The following ADGRV1 variants were observed in gnomAD, a reference collection of about 807,000 sequenced individuals.
ADGRV1 encodes the protein G-protein coupled receptor 98.
In ADGRV1, 359 loss-of-function variants were observed where a neutral mutation model predicts 596.2. The ratio of observed to expected loss-of-function variants is 0.60; its 90% CI spans 0.55 to 0.66. The LOEUF is 0.66. Ranked by LOEUF, ADGRV1 falls within the 30% of genes least tolerant of loss-of-function variation. The pLI is 0.00. For missense variants in ADGRV1, 7,274 were observed against 7,575.6 expected, an observed-to-expected ratio of 0.96 and a Z score of 1.48; for synonymous variants, 2,681 against 2,679.2, an observed-to-expected ratio of 1.00 and a Z score of -0.02.
intron 87 of ADGRV1, among the ~76,000 whole-genome samples, chr5:91,134,755 G>A (rs1794494643): frequency 6.6e-6 from 1 of 151,830 alleles, no homozygotes; most frequent in African/African-American, 2.4e-5. Flanking sequence ...AGTTTTATTT[G>A]TTCTAAAAAT....
rs112566319 is a variant in ADGRV1, at chr5:90,668,460, T to A, written c.4753-4086T>A. ...TCCCGAGTGAGGCAATGCCTCACCC[T>A]GCTTCGGCTCCCGCATGGTGCGCGC... On this transcript the variant is annotated intron_variant, in intron 21 of 89. Coordinates refer to ENST00000405460, the MANE Select transcript of ADGRV1 (RefSeq NM_032119.4). Among the ~76,000 whole-genome samples, 540 of 152,300 alleles carry A rather than the reference T, an allele frequency of 3.5e-3. 2 individuals carry two copies. Among genetic ancestry groups the A allele is most frequent in the African/African-American group, 0.012 (487 of 41,556 alleles).
intron 83 of ADGRV1, among the ~76,000 whole-genome samples, chr5:90,933,844 A>C (rs1326874297): frequency 6.6e-6 from 1 of 152,142 alleles, no homozygotes; most frequent in Non-Finnish European, 1.5e-5. Flanking sequence ...TCACAGCTGA[A>C]TTGAGCCCTA....
intron 85 of ADGRV1, among the ~76,000 whole-genome samples, chr5:91,049,982 C>A (rs911037257): frequency 1.3e-5 from 2 of 152,164 alleles, no homozygotes; most frequent in Non-Finnish European, 2.9e-5. Flanking sequence ...TGCAACTGTT[C>A]CTCTGACATG....
intron 86 of ADGRV1, among the ~76,000 whole-genome samples, chr5:91,086,507 A>T (rs1009752817): frequency 6.6e-6 from 1 of 152,154 alleles, no homozygotes; most frequent in Non-Finnish European, 1.5e-5. Flanking sequence ...GTGGCTGTCA[A>T]ACTAACTGAT....
intron 85 of ADGRV1, among the ~76,000 whole-genome samples, chr5:90,986,846 A>G (rs905807586): frequency 1.3e-5 from 2 of 152,190 alleles, no homozygotes; most frequent in Non-Finnish European, 2.9e-5. Flanking sequence ...TCTTTGTGAT[A>G]TGCAAAGTAA....
At chr5:90,724,758 T>A in intron 45 of ADGRV1, 74 bp from the exon 46 acceptor site, 1 of 1,364,430 alleles carries the variant, frequency 7.3e-7, no homozygotes, top group Non-Finnish European at 1.0e-6. Context: ...TGTCTCATTG[T>A]TTAAACAATA....
intron 65 of ADGRV1, among the ~76,000 whole-genome samples, chr5:90,782,607 C>T (rs1273588093): frequency 1.3e-5 from 2 of 152,036 alleles, no homozygotes; most frequent in African/African-American, 2.4e-5. Context: ...GACACATTTT[C>T]AGATTCACAA....
chr5:91,154,088 T>A (rs988397320), intron 89 of ADGRV1, among the ~76,000 whole-genome samples: 7 of 152,236 alleles, frequency 4.6e-5, no homozygotes, highest in African/African-American at 1.4e-4. Flanking sequence ...ATAAACATAG[T>A]GGATATTTTA....
At chr5:90,722,716 CAAAAAAAAAAAAAAAAAAAAAAAAA>C (rs55761821) in intron 45 of ADGRV1, among the ~76,000 whole-genome samples, 17 of 32,902 alleles carry the variant, frequency 5.2e-4, no homozygotes, top group East Asian at 1.2e-3. Context: ...AACTCCGTCT[CAAAAAAAAAAAAAAAAAAAAAAAAA>C]AAAAAAAAAA....
chr5:91,117,299 A>G (rs184342826), intron 87 of ADGRV1, among the ~76,000 whole-genome samples: 3 of 152,292 alleles, frequency 2.0e-5, no homozygotes. Context: ...TTATTTATTC[A>G]TTCATTCAGA....
chr5:90,813,642 C>T (rs1357067628), intron 74 of ADGRV1, among the ~76,000 whole-genome samples: 1 of 152,156 alleles, frequency 6.6e-6, no homozygotes, highest in Non-Finnish European at 1.5e-5. Context: ...CCACTAATGT[C>T]GTATGATGTA....
At chr5:90,783,514 C>A (rs1227640110) in intron 66 of ADGRV1, among the ~76,000 whole-genome samples, 189 bp downstream of exon 66, 1 of 151,914 alleles carries the variant, frequency 6.6e-6, no homozygotes, top group Non-Finnish European at 1.5e-5. Context: ...GCATATGTCA[C>A]TTCATTTCAA....
intron 85 of ADGRV1, among the ~76,000 whole-genome samples, chr5:90,992,953 A>G (rs943699181): frequency 1.3e-5 from 2 of 152,168 alleles, no homozygotes; most frequent in Non-Finnish European, 2.9e-5. Context: ...ACATACTTAC[A>G]TAATTATAGC....
intron 71 of ADGRV1, 146 bp downstream of exon 71, chr5:90,803,028 CA>C (rs1225527071): frequency 9.3e-6 from 5 of 540,442 alleles, no homozygotes; most frequent in Non-Finnish European, 9.0e-6. Context: ...GTAGATGTAA[CA>C]GATATATTAT....
At chr5:90,882,423 G>C (rs1769883075) in intron 83 of ADGRV1, among the ~76,000 whole-genome samples, 1 of 152,142 alleles carries the variant, frequency 6.6e-6, no homozygotes, top group African/African-American at 2.4e-5. Context: ...CTTGCTCACA[G>C]TCTCCTGTAC....
At chr5:90,916,631 A>ATTT (rs11407284) in intron 83 of ADGRV1, among the ~76,000 whole-genome samples, 18,403 of 124,318 alleles carry the variant, frequency 0.15, 2,406 homozygotes, top group East Asian at 0.46. Context: ...GCGTTCACAA[A>ATTT]TTTTTTTTTT....
chr5:90,797,915 A>C (rs927620751), intron 70 of ADGRV1, among the ~76,000 whole-genome samples: 2 of 152,204 alleles, frequency 1.3e-5, no homozygotes, highest in African/African-American at 4.8e-5. Context: ...AATCTCTGGG[A>C]CACAGCTAAC....
chr5:91,124,522 G>A (rs761393355), intron 87 of ADGRV1, among the ~76,000 whole-genome samples: 10 of 152,104 alleles, frequency 6.6e-5, no homozygotes, highest in Non-Finnish European at 1.3e-4. Context: ...TGTACTGTGA[G>A]CAAAAATAGA....
chr5:90,874,355 A>G (rs1769010758), intron 83 of ADGRV1, among the ~76,000 whole-genome samples: 1 of 152,242 alleles, frequency 6.6e-6, no homozygotes, highest in Non-Finnish European at 1.5e-5. Flanking sequence ...GGCCTCCGCA[A>G]GAAGACCCAC....
Sources: allele counts gnomAD v4.1 joint callset (sites outside exome capture counted in the v4.1 genomes callset), GRCh38; gene constraint gnomAD v4.1.1; transcripts MANE v1.5; gene names NCBI Gene and HGNC (gene_info 2026-07-23, HGNC 2026-07-21).